Variants in ROBO1 observed in about 807,000 individuals in gnomAD.
ROBO1 encodes roundabout guidance receptor 1, also known as roundabout homolog 1.
In ROBO1, 149 loss-of-function variants were observed where a neutral mutation model predicts 195.9. The observed-to-expected ratio is 0.76, with a 90% confidence interval of 0.67 to 0.87. ROBO1 has a LOEUF of 0.87. ROBO1 is among the 40% of genes least tolerant of loss of function. ROBO1 has a pLI of 0.00. For missense variants in ROBO1, 1,933 were observed against 2,068.3 expected (o/e 0.93, Z 1.27); for synonymous variants, 816 against 733.2 (o/e 1.11, Z -1.82).
intron 2 of ROBO1, among the ~76,000 whole-genome samples, chr3:79,162,845 A>G (rs1045201424): frequency 4.6e-5 from 7 of 152,160 alleles, no homozygotes; most frequent in African/African-American, 1.7e-4. Context: ...ACTGCTCTGC[A>G]TCCTGTGTAC....
At chr3:79,722,829 A>G (rs761757257) in intron 1 of ROBO1, among the ~76,000 whole-genome samples, 4 of 152,142 alleles carry the variant, frequency 2.6e-5, no homozygotes, top group Non-Finnish European at 5.9e-5. Context: ...TATATGTGTA[A>G]TAATAGGGAG....
intron 4 of ROBO1, among the ~76,000 whole-genome samples, chr3:78,917,801 A>G (rs926577889): frequency 2.6e-5 from 4 of 152,218 alleles, no homozygotes; most frequent in Non-Finnish European, 5.9e-5. Flanking sequence ...CCTATTAACA[A>G]TTCTAATCCA....
chr3:79,250,657 AT>A (rs2082711102), intron 2 of ROBO1, among the ~76,000 whole-genome samples: 1 of 152,230 alleles, frequency 6.6e-6, no homozygotes, highest in African/African-American at 2.4e-5. Flanking sequence ...GCAAAAGAAT[AT>A]AAAAAATGAT....
At chr3:79,235,864 T>C (rs2108864617) in intron 2 of ROBO1, among the ~76,000 whole-genome samples, 1 of 152,222 alleles carries the variant, frequency 6.6e-6, no homozygotes, top group East Asian at 1.9e-4. Flanking sequence ...AAAATTACTA[T>C]AAGGGTCAAA....
At chr3:78,616,699 C>T (rs1300648250) in intron 27 of ROBO1, among the ~76,000 whole-genome samples, 1 of 152,008 alleles carries the variant, frequency 6.6e-6, no homozygotes, top group Non-Finnish European at 1.5e-5. Flanking sequence ...GTATCTCTTT[C>T]TTGCTGATCA....
intron 4 of ROBO1, among the ~76,000 whole-genome samples, chr3:78,861,021 C>T (rs1053518068): frequency 6.6e-6 from 1 of 152,062 alleles, no homozygotes; most frequent in Non-Finnish European, 1.5e-5. Context: ...ATGACCTTAC[C>T]CATTCTTTTG....
chr3:79,610,313 A>C (rs1293401830), intron 1 of ROBO1, among the ~76,000 whole-genome samples: 3 of 151,898 alleles, frequency 2.0e-5, no homozygotes, highest in Non-Finnish European at 4.4e-5. Context: ...ATAGTAATCA[A>C]TAATAAAATA....
chr3:79,247,103 G>C (rs2082638288), intron 2 of ROBO1, among the ~76,000 whole-genome samples: 1 of 148,082 alleles, frequency 6.8e-6, no homozygotes, highest in Non-Finnish European at 1.5e-5. Context: ...ACGTTCTGGA[G>C]AAAAGCATTA....
At chr3:79,017,645 CTT>C (rs1350813073) in intron 3 of ROBO1, among the ~76,000 whole-genome samples, 1 of 152,088 alleles carries the variant, frequency 6.6e-6, no homozygotes, top group Non-Finnish European at 1.5e-5. Context: ...AGTGTGTACT[CTT>C]ATGTCAGAAG....
chr3:78,888,946 A>G (rs1323321380), intron 4 of ROBO1, among the ~76,000 whole-genome samples: 1 of 152,198 alleles, frequency 6.6e-6, no homozygotes, highest in Non-Finnish European at 1.5e-5. Flanking sequence ...GAATATAAAC[A>G]GAATGTAAAC....
chr3:79,529,043 T>C (rs1022167680), intron 2 of ROBO1, among the ~76,000 whole-genome samples: 3 of 152,246 alleles, frequency 2.0e-5, no homozygotes, highest in Non-Finnish European at 4.4e-5. Context: ...TGCAATACTT[T>C]TTGTTAGTTT....
chr3:78,970,624 C>G (rs2076742566), intron 3 of ROBO1, among the ~76,000 whole-genome samples: 2 of 152,008 alleles, frequency 1.3e-5, no homozygotes, highest in Admixed American at 1.3e-4. Context: ...TTAAAATAAT[C>G]TATAACCTAA....
rs2108402724 is a variant in ROBO1, at chr3:78,767,479, T to C, written c.500-20579A>G. 2.0e-5 allele frequency among the ~76,000 whole-genome samples: 3 copies of C among 152,012 alleles called. No individual in the cohort carries two copies. In the South Asian group the frequency reaches 6.2e-4, roughly 32 times the overall value. On this transcript the variant is annotated intron_variant, in intron 4 of 30. Coordinates refer to ENST00000464233, the MANE Select transcript of ROBO1 (RefSeq NM_002941.4). ...CGAGGTTTCACCATGTTGACCAGGC[T>C]GGTCTCGAACTCCTGGCCTCAAGCG...
intron 3 of ROBO1, among the ~76,000 whole-genome samples, chr3:78,945,280 G>C (rs191445232): frequency 2.2e-3 from 336 of 152,264 alleles, no homozygotes; most frequent in Non-Finnish European, 3.9e-3. Context: ...AGTAGGGGCG[G>C]ACTGACACCT....
At chr3:79,719,922 G>A (rs1034293865) in intron 1 of ROBO1, among the ~76,000 whole-genome samples, 1 of 152,148 alleles carries the variant, frequency 6.6e-6, no homozygotes, top group Non-Finnish European at 1.5e-5. Flanking sequence ...ATATTTGAGG[G>A]AGAGCATAGA....
At chr3:79,244,393 C>T (rs552533902) in intron 2 of ROBO1, among the ~76,000 whole-genome samples, 1 of 152,200 alleles carries the variant, frequency 6.6e-6, no homozygotes, top group African/African-American at 2.4e-5. Flanking sequence ...AATGATGTTG[C>T]TGCAAATATA....
intron 2 of ROBO1, among the ~76,000 whole-genome samples, chr3:79,263,006 T>C (rs2082968718): frequency 6.6e-6 from 1 of 152,074 alleles, no homozygotes; most frequent in Admixed American, 6.6e-5. Flanking sequence ...GGGACTACTT[T>C]TAATTAAAAC....
At chr3:79,541,492 G>A (rs1169009634) in intron 2 of ROBO1, among the ~76,000 whole-genome samples, 1 of 152,014 alleles carries the variant, frequency 6.6e-6, no homozygotes, top group Non-Finnish European at 1.5e-5. Context: ...TTCCAAGAGA[G>A]AGACAGTATT....
intron 4 of ROBO1, among the ~76,000 whole-genome samples, chr3:78,801,782 A>C (rs950051876): frequency 1.3e-5 from 2 of 152,134 alleles, no homozygotes; most frequent in Non-Finnish European, 2.9e-5. Flanking sequence ...TGAACATGGA[A>C]TGCCTCTAAA....
Sources: gnomAD v4.1 joint callset for allele counts (sites outside exome capture counted in the v4.1 genomes callset) on GRCh38, gnomAD v4.1.1 for gene constraint, MANE v1.5 for transcripts, NCBI Gene and HGNC (gene_info 2026-07-23, HGNC 2026-07-21) for gene names.